Variants in MARCHF3 observed in about 807,000 individuals in gnomAD.
The protein encoded by MARCHF3 is E3 ubiquitin-protein ligase MARCHF3.
Under a neutral mutation model 24.2 loss-of-function variants are expected in MARCHF3, and 13 were observed. That is an observed-to-expected ratio of 0.54 (90% CI 0.35 to 0.85). The LOEUF (loss-of-function observed/expected upper bound fraction) is 0.85. Ranked by LOEUF, MARCHF3 falls within the 40% of genes least tolerant of loss-of-function variation. MARCHF3 has a pLI of 0.01. For synonymous variants in MARCHF3, 144 were observed against 137.3 expected, an observed-to-expected ratio of 1.05 and a Z score of -0.34; for missense variants, 276 against 325.0, an observed-to-expected ratio of 0.85 and a Z score of 1.16.
At chr5:126,984,492 A>T (rs1751496924) in intron 1 of MARCHF3, among the ~76,000 whole-genome samples, 1 of 152,236 alleles carries the variant, frequency 6.6e-6, no homozygotes, top group Non-Finnish European at 1.5e-5. Context: ...GGATCAGCAC[A>T]GAATCCAACC....
chr5:126,885,710 C>T (rs1753492044), intron 3 of MARCHF3, among the ~76,000 whole-genome samples: 1 of 152,284 alleles, frequency 6.6e-6, no homozygotes, highest in East Asian at 1.9e-4. Flanking sequence ...AAAGGAGAAA[C>T]TTTGTTGGCA....
At chr5:126,951,578 G>A (rs1287509561) in intron 1 of MARCHF3, among the ~76,000 whole-genome samples, 1 of 152,162 alleles carries the variant, frequency 6.6e-6, no homozygotes, top group Non-Finnish European at 1.5e-5. Context: ...CAATGAACTT[G>A]AGCGTGAGCA....
intron 3 of MARCHF3, among the ~76,000 whole-genome samples, chr5:126,894,346 G>A (rs1395355528): frequency 6.0e-5 from 9 of 150,628 alleles, no homozygotes; most frequent in East Asian, 5.9e-4. Context: ...ATGTTAGCTG[G>A]TTATTTTGCT....
At chr5:126,962,832 T>TAC (rs1491487186) in intron 1 of MARCHF3, among the ~76,000 whole-genome samples, 4 of 91,606 alleles carry the variant, frequency 4.4e-5, no homozygotes, top group African/African-American at 2.0e-4. Flanking sequence ...TGTGTGTGTG[T>TAC]GCGTGTGTGT....
At position 126,918,153 on chromosome 5, in the gene MARCHF3, T is replaced by G. The variant is rs1237895817; in HGVS notation, c.19A>C (p.Ser7Arg). The G allele has an allele frequency of 2.5e-6, 4 of 1,613,680 alleles. No individual in the cohort carries two copies. The South Asian group carries it at 4.4e-5, about 18-fold the overall frequency. The change falls in exon 2 of 5, where the codon AGT (serine) becomes CGT (arginine). Residue 7 changes from serine to arginine, a missense_variant. Ser to Arg is a moderately radical substitution (Grantham distance 110, BLOSUM62 -1). Transcript: ENST00000308660. The stretch of plus-strand genomic sequence containing the variant: ...TCTGGCAGGACTTCGGGCAGGTGAC[T>G]GCAGCGGCTGGTTGTCATGGTAACA... MTTSRC[S>R]HLPEVLPDCT... is the part of the protein sequence containing the mutation.
At chr5:126,882,737 AAATG>A (rs1304849546) in intron 3 of MARCHF3, among the ~76,000 whole-genome samples, 1 of 152,230 alleles carries the variant, frequency 6.6e-6, no homozygotes, top group East Asian at 1.9e-4. Flanking sequence ...ACCTCATGCT[AAATG>A]AATGAGAATA....
At chr5:127,006,077 CT>C (rs1269682134) in intron 1 of MARCHF3, among the ~76,000 whole-genome samples, 1 of 151,640 alleles carries the variant, frequency 6.6e-6, no homozygotes, top group Non-Finnish European at 1.5e-5. Context: ...GTGGCATGCA[CT>C]TGTAATCCCA....
chr5:126,992,102 T>C (rs1033498284), intron 1 of MARCHF3, among the ~76,000 whole-genome samples: 3 of 152,014 alleles, frequency 2.0e-5, no homozygotes, highest in Admixed American at 2.0e-4. Flanking sequence ...GGATATTCAG[T>C]ACAATCAAAA....
intron 3 of MARCHF3, among the ~76,000 whole-genome samples, chr5:126,902,154 TCCTC>T (rs1404763976): frequency 6.6e-6 from 1 of 152,092 alleles, no homozygotes; most frequent in African/African-American, 2.4e-5. Context: ...TGGCTGGATT[TCCTC>T]CCTATTTGAG....
At chr5:126,918,454 G>A (rs1283173761) in intron 1 of MARCHF3, among the ~76,000 whole-genome samples, 4 of 152,136 alleles carry the variant, frequency 2.6e-5, no homozygotes, top group East Asian at 1.9e-4. Context: ...AAGCATGTCC[G>A]TGTATATAAA....
chr5:126,948,156 C>T (rs963781416), intron 1 of MARCHF3, among the ~76,000 whole-genome samples: 4 of 152,120 alleles, frequency 2.6e-5, no homozygotes, highest in Admixed American at 6.5e-5. Context: ...CAGTGCCAGC[C>T]TCTGTTGAGT....
chr5:126,868,175 C>G lies in MARCHF3; in HGVS notation c.*2458G>C, dbSNP rs933514030. 5 of 152,194 alleles carry G rather than the reference C, an allele frequency of 3.3e-5. No individual in the cohort carries two copies. The highest frequency in any genetic ancestry group is 1.2e-4 in the African/African-American group (5 of 41,442). 9.4% of individuals were successfully genotyped at this position (152,194 alleles called of 1,614,324 possible). A position where few individuals can be genotyped will look rare whatever the true frequency, so the allele number is the denominator to read the frequency against. On this transcript the variant is annotated 3_prime_UTR_variant, in exon 5 of 5. Coordinates refer to ENST00000308660, the MANE Select transcript of MARCHF3 (RefSeq NM_178450.5). ...CTCTGTACCCATTAATACCTGTTAA[C>G]AAAAGGCACCCCTTCCTGCAGGAGG...
intron 1 of MARCHF3, among the ~76,000 whole-genome samples, chr5:126,957,483 C>T (rs557718618): frequency 6.6e-6 from 1 of 152,152 alleles, no homozygotes; most frequent in East Asian, 1.9e-4. Flanking sequence ...TTCATAAAAC[C>T]TTCAATCCAT....
At chr5:127,016,354 A>C (rs182861005) in intron 1 of MARCHF3, among the ~76,000 whole-genome samples, 10 of 152,346 alleles carry the variant, frequency 6.6e-5, no homozygotes, top group African/African-American at 2.4e-4. Flanking sequence ...AAATTTTTGC[A>C]ATCTACCCAT....
At chr5:127,011,253 C>T (rs1350989669) in intron 1 of MARCHF3, among the ~76,000 whole-genome samples, 1 of 152,112 alleles carries the variant, frequency 6.6e-6, no homozygotes, top group East Asian at 1.9e-4. Flanking sequence ...AATCCATCAG[C>T]CAGGATACTT....
intron 1 of MARCHF3, among the ~76,000 whole-genome samples, chr5:127,014,577 T>C (rs1261291153): frequency 1.3e-5 from 2 of 152,136 alleles, no homozygotes; most frequent in African/African-American, 4.8e-5. Flanking sequence ...AATGGATGAA[T>C]GGATTAAAAA....
chr5:127,004,139 AG>A (rs1752228937), intron 1 of MARCHF3, among the ~76,000 whole-genome samples: 1 of 152,228 alleles, frequency 6.6e-6, no homozygotes, highest in South Asian at 2.1e-4. Context: ...ATTCCAAAGG[AG>A]AGCCCGTCTA....
chr5:126,894,096 G>A (rs2126777747), intron 3 of MARCHF3, among the ~76,000 whole-genome samples: 2 of 141,804 alleles, frequency 1.4e-5, no homozygotes, highest in East Asian at 4.1e-4. Flanking sequence ...CGTTTTATCA[G>A]AGACTAGGAT....
intron 1 of MARCHF3, among the ~76,000 whole-genome samples, chr5:126,930,553 G>C (rs1401810903): frequency 6.6e-6 from 1 of 152,180 alleles, no homozygotes. Context: ...TATAGCTCAG[G>C]CTTTCTGATC....
Sources: allele counts gnomAD v4.1 joint callset (sites outside exome capture counted in the v4.1 genomes callset), GRCh38; gene constraint gnomAD v4.1.1; transcripts MANE v1.5; gene names NCBI Gene and HGNC (gene_info 2026-07-23, HGNC 2026-07-21).